The following ATP8B4 variants were observed in gnomAD, a reference collection of about 807,000 sequenced individuals.
ATP8B4 encodes probable phospholipid-transporting ATPase IM.
In ATP8B4, 133 loss-of-function variants were observed where a neutral mutation model predicts 145.6. The ratio of observed to expected loss-of-function variants is 0.91; its 90% CI spans 0.79 to 1.05. The LOEUF is 1.05. Among genes scored for constraint, ATP8B4 ranks in the 50% least tolerant of loss-of-function variants. The pLI is 0.00. For missense variants in ATP8B4, 1,458 were observed against 1,425.2 expected (o/e 1.02, Z -0.37); for synonymous variants, 507 against 492.9 (o/e 1.03, Z -0.38).
chr15:50,043,705 G>A (rs1567252639), intron 5 of ATP8B4, among the ~76,000 whole-genome samples: 1 of 152,078 alleles, frequency 6.6e-6, no homozygotes, highest in Non-Finnish European at 1.5e-5. Flanking sequence ...TGTAATCCCA[G>A]CACTTTGGGA....
At chr15:50,033,543 C>A (rs1350697505) in intron 6 of ATP8B4, among the ~76,000 whole-genome samples, 1 of 152,064 alleles carries the variant, frequency 6.6e-6, no homozygotes, top group East Asian at 1.9e-4. Flanking sequence ...ACTATGCTTA[C>A]CATCTTATTT....
intron 3 of ATP8B4, among the ~76,000 whole-genome samples, chr15:50,073,766 C>T (rs2053999466): frequency 1.3e-5 from 2 of 152,140 alleles, no homozygotes; most frequent in South Asian, 2.1e-4. Flanking sequence ...CATTCATCAA[C>T]CACTAGCTAA....
intron 14 of ATP8B4, among the ~76,000 whole-genome samples, chr15:49,961,551 T>A (rs2044078206): frequency 6.6e-6 from 1 of 152,112 alleles, no homozygotes; most frequent in Admixed American, 6.5e-5. Context: ...TCCATTAGAG[T>A]CTCTTCATAT....
chr15:50,045,583 A>G (rs541804078), intron 4 of ATP8B4, among the ~76,000 whole-genome samples: 1 of 152,310 alleles, frequency 6.6e-6, no homozygotes, highest in East Asian at 1.9e-4. Context: ...AATTTTACAT[A>G]GCAGCTTCCA....
chr15:49,881,626 A>AGCAGCTACCT (rs2035437238), intron 23 of ATP8B4, among the ~76,000 whole-genome samples: 1 of 152,244 alleles, frequency 6.6e-6, no homozygotes, highest in African/African-American at 2.4e-5. Context: ...GAGAACCTGC[A>AGCAGCTACCT]GAAGGGCAGG....
chr15:50,087,554 T>C (rs76136465), intron 2 of ATP8B4, among the ~76,000 whole-genome samples: 6,223 of 151,426 alleles, frequency 0.041, 194 homozygotes, highest in African/African-American at 0.084. Flanking sequence ...ATAATAAACA[T>C]ATTTTTCTTT....
At chr15:49,916,815 T>C in intron 20 of ATP8B4, 119 bp downstream of exon 20, 1 of 866,632 alleles carries the variant, frequency 1.2e-6, no homozygotes, top group Non-Finnish European at 1.7e-6. Flanking sequence ...CAAAGAACTT[T>C]ATACTAAGTT....
chr15:50,081,721 G>A (rs1397332041), intron 2 of ATP8B4, among the ~76,000 whole-genome samples: 1 of 152,238 alleles, frequency 6.6e-6, no homozygotes, highest in African/African-American at 2.4e-5. Context: ...AAAGGGAAGA[G>A]TTAGCAAGTT....
Position 49,934,100 on chromosome 15 carries a change from A to G in ATP8B4, c.1370T>C (p.Ile457Thr), listed in dbSNP as rs1312679740. The change falls in exon 15 of 28, where the codon ATT becomes ACT. Residue 457 changes from isoleucine to threonine, a missense_variant. Physicochemically the swap from Ile to Thr is moderately conservative, Grantham distance 89. Coordinates refer to ENST00000284509, the MANE Select transcript of ATP8B4 (RefSeq NM_024837.4). ...ATGAACTTTGGGATCACCCATTTTA[A>G]TGGATTCCATCAGATGGTGGTCAAA... is the stretch of plus-strand genomic sequence containing the variant. The part of the protein sequence containing the change: ...QFFDHHLMES[I>T]KMGDPKVHEF... 1.9e-6 allele frequency: 3 copies of G among 1,612,812 alleles called. No individual in the cohort carries two copies. Among genetic ancestry groups the G allele is most frequent in the East Asian group, 4.5e-5 (2 of 44,840 alleles).
At chr15:49,911,397 T>G (rs1178060858) in intron 20 of ATP8B4, among the ~76,000 whole-genome samples, 2 of 152,074 alleles carry the variant, frequency 1.3e-5, no homozygotes, top group African/African-American at 4.8e-5. Flanking sequence ...CAAGACACTT[T>G]AAGCCAAAAA....
chr15:50,146,526 C>T (rs1166250644), intron 1 of ATP8B4, among the ~76,000 whole-genome samples: 1 of 152,152 alleles, frequency 6.6e-6, no homozygotes, highest in Non-Finnish European at 1.5e-5. Flanking sequence ...TTGAACTTTA[C>T]CTGGTAAGGT....
chr15:49,963,097 A>G (rs531270442), intron 13 of ATP8B4, among the ~76,000 whole-genome samples: 44 of 152,338 alleles, frequency 2.9e-4, no homozygotes, highest in African/African-American at 1.0e-3. Flanking sequence ...CGCCATTAAA[A>G]TGTGGGCAAA....
At chr15:50,021,863 C>T (rs779486346) in intron 6 of ATP8B4, among the ~76,000 whole-genome samples, 3 of 152,072 alleles carry the variant, frequency 2.0e-5, no homozygotes, top group Admixed American at 6.6e-5. Context: ...AATATTTGAA[C>T]AGATTAGCTA....
At chr15:49,940,072 T>C (rs906782371) in intron 14 of ATP8B4, among the ~76,000 whole-genome samples, 16 of 152,194 alleles carry the variant, frequency 1.1e-4, no homozygotes, top group African/African-American at 3.9e-4. Flanking sequence ...AAATAAATTG[T>C]TCTGCCGAAA....
intron 2 of ATP8B4, among the ~76,000 whole-genome samples, chr15:50,098,611 C>T (rs1567357029): frequency 6.6e-6 from 1 of 151,970 alleles, no homozygotes; most frequent in Non-Finnish European, 1.5e-5. Flanking sequence ...CTTATAGTGG[C>T]AATAATAACT....
chr15:49,924,461 T>C (rs562919875), intron 16 of ATP8B4, among the ~76,000 whole-genome samples: 1 of 152,326 alleles, frequency 6.6e-6, no homozygotes, highest in Non-Finnish European at 1.5e-5. Flanking sequence ...TTACATGCTT[T>C]CTACTCAATT....
rs565665660 is a variant in ATP8B4 at position 50,028,062 on chromosome 15, T to A, written c.362+10706A>T. Among the ~76,000 whole-genome samples the A allele has an allele frequency of 7.9e-5, 12 of 152,316 alleles. No individual in the cohort carries two copies. In the South Asian group the frequency reaches 2.5e-3, roughly 32 times the overall value. ...GTCCATTACCTTCCTTCTACAATAT[T>A]CAGTATCACTCTCAATTATATTTCC... is the stretch of plus-strand genomic sequence containing the variant. On this transcript the variant is annotated intron_variant, in intron 6 of 27. Coordinates refer to ENST00000284509, the MANE Select transcript of ATP8B4 (RefSeq NM_024837.4).
chr15:50,055,131 T>C (rs2052507841), intron 3 of ATP8B4, among the ~76,000 whole-genome samples: 1 of 152,182 alleles, frequency 6.6e-6, no homozygotes, highest in East Asian at 1.9e-4. Context: ...TAGAGATTAC[T>C]AACAGCAACT....
rs1334964218 is a variant in ATP8B4 at position 50,073,011 on chromosome 15, TATATATATACACACACACACACAC to T, written c.87+1092_87+1115del. On this transcript the variant is annotated intron_variant, in intron 3 of 27. Transcript: ENST00000284509. ...ATATATATATATATATATATATATA[TATATATATACACACACACACACAC>T]ACACACACACACACACACTATACAT... Among the ~76,000 whole-genome samples, 90 of 44,788 alleles carry T rather than the reference TATATATATACACACACACACACAC, an allele frequency of 2.0e-3. 1 individual carries two copies. Among genetic ancestry groups the T allele is most frequent in the East Asian group, 0.019 (24 of 1,234 alleles). 29.4% of individuals were successfully genotyped at this position (44,788 alleles called of 152,430 possible).
Sources: allele counts gnomAD v4.1 joint callset (sites outside exome capture counted in the v4.1 genomes callset), GRCh38; gene constraint gnomAD v4.1.1; transcripts MANE v1.5; gene names NCBI Gene and HGNC (gene_info 2026-07-23, HGNC 2026-07-21).